FRZB: variants seen among roughly 807,000 people sequenced by gnomAD.
FRZB encodes the protein secreted frizzled-related protein 3.
FRZB carries 34 observed loss-of-function variants against 32.5 expected under a neutral mutation model. The observed-to-expected ratio is 1.05, with a 90% CI of 0.80 to 1.39. The LOEUF is 1.39. Ranked by LOEUF, FRZB falls within the 40% of genes most tolerant of loss-of-function variation. The pLI, the probability that FRZB is intolerant of heterozygous loss-of-function variation, is 0.00. For synonymous variants in FRZB, 170 were observed against 159.2 expected, an observed-to-expected ratio of 1.07 and a Z score of -0.51; for missense variants, 423 against 424.8, an observed-to-expected ratio of 1.00 and a Z score of 0.04.
At position 182,834,458 on chromosome 2, in the gene FRZB, T is replaced by C. The variant is rs999626442; in HGVS notation, c.*391A>G. On this transcript the variant is annotated 3_prime_UTR_variant, in exon 6 of 6. Coordinates refer to ENST00000295113, the MANE Select transcript of FRZB (RefSeq NM_001463.4). ...GTATGTTTTAAGGCATATCTAGCTT[T>C]CTGTGAATACCAGAAACCTCTCTTT... 2 of 187,394 alleles carry C rather than the reference T, an allele frequency of 1.1e-5. No homozygotes were observed. Among genetic ancestry groups the C allele is most frequent in the Non-Finnish European group, 2.2e-5 (2 of 89,328 alleles). The allele number at this position is 187,394 out of a possible 1,614,324, so 11.6% of individuals were successfully genotyped here. A position where few individuals can be genotyped will look rare whatever the true frequency, so the allele number is the denominator to read the frequency against.
chr2:182,861,059 A>T (rs1380626356), intron 1 of FRZB, among the ~76,000 whole-genome samples: 1 of 152,182 alleles, frequency 6.6e-6, no homozygotes, highest in Non-Finnish European at 1.5e-5. Flanking sequence ...ACTATCTCAA[A>T]ATTGCAGTGA....
At chr2:182,861,090 T>G (rs1695826977) in intron 1 of FRZB, among the ~76,000 whole-genome samples, 1 of 152,200 alleles carries the variant, frequency 6.6e-6, no homozygotes, top group Admixed American at 6.5e-5. Context: ...TCTTATCTCT[T>G]TGAATCCATT....
chr2:182,838,129 A>T, intron 4 of FRZB, 118 bp from the exon 5 acceptor site: 1 of 809,210 alleles, frequency 1.2e-6, no homozygotes, highest in Non-Finnish European at 2.0e-6. Context: ...AGGACAGCTA[A>T]GATTTAGAAC....
intron 2 of FRZB, among the ~76,000 whole-genome samples, chr2:182,854,383 A>T (rs1453824656): frequency 1.3e-5 from 2 of 152,214 alleles, no homozygotes; most frequent in African/African-American, 4.8e-5. Context: ...AAGAACTCTA[A>T]AACGTAATAC....
chr2:182,861,435 C>T (rs1695830405), intron 1 of FRZB, among the ~76,000 whole-genome samples: 1 of 152,202 alleles, frequency 6.6e-6, no homozygotes, highest in South Asian at 2.1e-4. Context: ...TATTGTGTTG[C>T]TAATGGTTCC....
rs1306174153 is a variant in FRZB, at chr2:182,834,401, T to C, written c.*448A>G. On this transcript the variant is annotated 3_prime_UTR_variant, in exon 6 of 6. Coordinates refer to ENST00000295113, the MANE Select transcript of FRZB (RefSeq NM_001463.4). The stretch of plus-strand genomic sequence containing the variant: ...GCATGAGGAGAATGCCCAAAAGGCA[T>C]ACAAAAATAAGGCTGTAATTAGATC... The C allele has an allele frequency of 6.4e-6, 1 of 157,186 alleles. No homozygotes were observed. Among genetic ancestry groups the C allele is most frequent in the Non-Finnish European group, 1.4e-5 (1 of 71,054 alleles). The allele number at this position is 157,186 out of a possible 1,614,324, so 9.7% of individuals were successfully genotyped here.
In FRZB at chr2:182,833,505, A is replaced by G. The variant is rs1695488094; in HGVS notation, c.*1344T>C. The stretch of plus-strand genomic sequence containing the variant: ...CGTAAGTTGAAATGCATTGGGTTAC[A>G]TCCTGATAAACCCATTGTAAGTCAA... On this transcript the variant is annotated 3_prime_UTR_variant, in exon 6 of 6. Coordinates refer to ENST00000295113, the MANE Select transcript of FRZB (RefSeq NM_001463.4). 6.6e-6 allele frequency: 1 copy of G among 152,166 alleles called. No individual in the cohort carries two copies. The highest frequency in any genetic ancestry group is 1.5e-5 in the Non-Finnish European group (1 of 68,016). The allele number at this position is 152,166 out of a possible 1,614,324, so 9.4% of individuals were successfully genotyped here.
intron 1 of FRZB, 91 bp downstream of exon 1, chr2:182,865,983 GA>G: frequency 2.0e-6 from 2 of 981,066 alleles, no homozygotes; most frequent in Non-Finnish European, 1.5e-6. Flanking sequence ...GATCCGAAGA[GA>G]AAAAAATTAG....
At chr2:182,838,269 C>G (rs566297178) in intron 4 of FRZB, 140 bp downstream of exon 4, 55 of 760,140 alleles carry the variant, frequency 7.2e-5, no homozygotes, top group Non-Finnish European at 1.1e-4. Context: ...AATCAAGAAA[C>G]CCAACTAAAA....
chr2:182,860,710 T>C (rs997832911), intron 1 of FRZB, among the ~76,000 whole-genome samples: 3 of 151,664 alleles, frequency 2.0e-5, no homozygotes, highest in Non-Finnish European at 4.4e-5. Flanking sequence ...CTAACAGAAA[T>C]ACAAAAATTA....
At position 182,836,510 on chromosome 2, in the gene FRZB, G is replaced by A. The variant is rs149144124; in HGVS notation, c.861+1438C>T. ...AATAATAACTCTGCAAGTCCCCTGC[G>A]GAAAACAATGGGAAATATTGCAGAA... On this transcript the variant is annotated intron_variant, in intron 5 of 5. Coordinates refer to ENST00000295113, the MANE Select transcript of FRZB (RefSeq NM_001463.4). 2.0e-3 allele frequency among the ~76,000 whole-genome samples: 298 copies of A among 152,032 alleles called. 2 individuals carry two copies. Among genetic ancestry groups the A allele is most frequent in the African/African-American group, 6.6e-3 (275 of 41,488 alleles).
chr2:182,836,561 C>G (rs1695528128), intron 5 of FRZB, among the ~76,000 whole-genome samples: 1 of 151,986 alleles, frequency 6.6e-6, no homozygotes, highest in African/African-American at 2.4e-5. Flanking sequence ...GACAAACAAG[C>G]CATGTGTCCT....
chr2:182,866,008 G>A lies in FRZB; in HGVS notation c.478+67C>T, dbSNP rs931260628. On this transcript the variant is annotated intron_variant, in intron 1 of 5. Transcript: ENST00000295113. This position sits in a 1 kb window ranked among gnomAD's most constrained non-coding sequence, Gnocchi z 4.5. Reference sequence around the variant, plus strand: ...GAAAAAAATTAGAGAGTAAAGGCTAGTAACAAGGACTCCAAGAATTGAGGA... The same window carrying A: ...GAAAAAAATTAGAGAGTAAAGGCTAATAACAAGGACTCCAAGAATTGAGGA... The A allele has an allele frequency of 1.6e-5, 20 of 1,278,464 alleles. No homozygotes were observed. The African/African-American group carries it at 2.2e-4, about 14-fold the overall frequency. The allele number at this position is 1,278,464 out of a possible 1,614,324, so 79.2% of individuals were successfully genotyped here.
At chr2:182,862,206 G>C (rs1231933947) in intron 1 of FRZB, among the ~76,000 whole-genome samples, 2 of 152,248 alleles carry the variant, frequency 1.3e-5, no homozygotes, top group Non-Finnish European at 2.9e-5. Context: ...TGCCAAGAGA[G>C]AGAAGGCCTG....
In FRZB at chr2:182,834,969, T is replaced by C. The variant is rs1695507997; in HGVS notation, c.862-4A>G. ...GACGAAGCTTCATATCCCAGCGCTG[T>C]GAAATTTAAAATAGAAAATAGTCAC... On this transcript the variant is annotated splice_polypyrimidine_tract_variant and splice_region_variant and intron_variant, in intron 5 of 5. Transcript: ENST00000295113. The C allele has an allele frequency of 2.5e-6, 4 of 1,588,662 alleles. No individual in the cohort carries two copies. The highest frequency in any genetic ancestry group is 3.5e-6 in the Non-Finnish European group (4 of 1,157,414).
At chr2:182,843,806 C>T (rs1559047653) in intron 2 of FRZB, among the ~76,000 whole-genome samples, 1 of 152,096 alleles carries the variant, frequency 6.6e-6, no homozygotes, top group Admixed American at 6.6e-5. Context: ...TGGCGTGTGC[C>T]TGTAGTTTCA....
intron 4 of FRZB, among the ~76,000 whole-genome samples, 173 bp downstream of exon 4, chr2:182,838,236 G>T (rs1561369): frequency 4.6e-5 from 7 of 151,754 alleles, no homozygotes; most frequent in African/African-American, 1.7e-4. Flanking sequence ...TAAACTACAC[G>T]CATACACCCA....
intron 2 of FRZB, among the ~76,000 whole-genome samples, chr2:182,844,857 T>C (rs1325038371): frequency 6.6e-6 from 1 of 152,190 alleles, no homozygotes; most frequent in Non-Finnish European, 1.5e-5. Context: ...GGACTAAATT[T>C]TGCTCATCTG....
At chr2:182,844,932 T>C (rs1695624078) in intron 2 of FRZB, among the ~76,000 whole-genome samples, 1 of 152,194 alleles carries the variant, frequency 6.6e-6, no homozygotes, top group African/African-American at 2.4e-5. Flanking sequence ...ATATTTTAAA[T>C]ATTTATATGG....
Sources: allele counts gnomAD v4.1 joint callset (sites outside exome capture counted in the v4.1 genomes callset), GRCh38; gene constraint gnomAD v4.1.1; non-coding constraint Gnocchi (gnomAD v3.1); transcripts MANE v1.5; gene names NCBI Gene and HGNC (gene_info 2026-07-23, HGNC 2026-07-21).